The following TUSC3 variants were observed in gnomAD, a reference collection of about 807,000 sequenced individuals.
The protein encoded by TUSC3 is dolichyl-diphosphooligosaccharide--protein glycosyltransferase subunit TUSC3.
TUSC3 carries 45 observed loss-of-function variants against 44.8 expected under a neutral mutation model. The observed-to-expected ratio is 1.00, with a 90% confidence interval of 0.79 to 1.29. The LOEUF (loss-of-function observed/expected upper bound fraction) is 1.29. Ranked by LOEUF, TUSC3 falls within the 50% of genes most tolerant of loss-of-function variation. The pLI is 0.00. For synonymous variants in TUSC3, 212 were observed against 152.9 expected, an observed-to-expected ratio of 1.39 and a Z score of -2.85; for missense variants, 519 against 437.9, an observed-to-expected ratio of 1.19 and a Z score of -1.65.
At chr8:15,808,568 A>G in the TUSC3 span, among the ~76,000 whole-genome samples, 4,427 of 152,136 alleles carry the variant, frequency 0.029, 216 homozygotes, top group African/African-American at 0.1. Flanking sequence ...ATCTTTTCCT[A>G]CTCTCAGACC....
intron 1 of TUSC3, among the ~76,000 whole-genome samples, chr8:15,450,384 C>T (rs1004679151): frequency 2.0e-4 from 30 of 152,104 alleles, no homozygotes; most frequent in African/African-American, 7.2e-4. Context: ...ACTCAAGGTG[C>T]TATTTAAAAG....
intron 6 of TUSC3, among the ~76,000 whole-genome samples, chr8:15,689,863 T>TGTGTAAA (rs1554475557): frequency 6.8e-5 from 1 of 14,804 alleles, no homozygotes; most frequent in African/African-American, 1.1e-4. Flanking sequence ...TGTGTGTGTG[T>TGTGTAAA]ATAAATATAT....
chr8:15,420,990 A>G (rs1444827844), intron 1 of TUSC3, among the ~76,000 whole-genome samples: 1 of 152,144 alleles, frequency 6.6e-6, no homozygotes, highest in Non-Finnish European at 1.5e-5. Flanking sequence ...AAGTGACACT[A>G]ATTTTTTATC....
intron 2 of TUSC3, among the ~76,000 whole-genome samples, chr8:15,510,528 C>T (rs13257753): frequency 0.068 from 10,385 of 152,142 alleles, 512 homozygotes; most frequent in South Asian, 0.2. Context: ...ATTACGGGAG[C>T]TCACCCAGGA....
intron 2 of TUSC3, among the ~76,000 whole-genome samples, chr8:15,629,532 C>T (rs1444344155): frequency 6.7e-6 from 1 of 149,850 alleles, no homozygotes; most frequent in Non-Finnish European, 1.5e-5. Context: ...AGAAAGGGAC[C>T]CTGTCATTTG....
downstream of TUSC3, among the ~76,000 whole-genome samples, chr8:15,769,214 G>T (rs1812399931): frequency 6.6e-6 from 1 of 152,116 alleles, no homozygotes; most frequent in Non-Finnish European, 1.5e-5. Flanking sequence ...GCATGGTACT[G>T]GTATGAAAAC....
chr8:15,545,670 G>GGGCCC (rs1342062789), intron 1 of TUSC3, among the ~76,000 whole-genome samples: 1 of 151,658 alleles, frequency 6.6e-6, no homozygotes, highest in African/African-American at 2.4e-5. Flanking sequence ...AGCATGTTTA[G>GGGCCC]TCCCATATAT....
At chr8:15,699,461 A>G (rs1809305746) in intron 6 of TUSC3, among the ~76,000 whole-genome samples, 1 of 152,204 alleles carries the variant, frequency 6.6e-6, no homozygotes, top group African/African-American at 2.4e-5. Context: ...TCCACCTGTC[A>G]GTATTCAAAA....
the TUSC3 span, among the ~76,000 whole-genome samples, chr8:15,798,127 C>T: frequency 6.6e-6 from 1 of 152,220 alleles, no homozygotes; most frequent in Admixed American, 6.5e-5. Flanking sequence ...CAGTCAAAAA[C>T]ATTGCCTCTG....
intron 6 of TUSC3, among the ~76,000 whole-genome samples, chr8:15,707,200 G>A (rs1362204900): frequency 6.6e-6 from 1 of 151,992 alleles, no homozygotes; most frequent in Non-Finnish European, 1.5e-5. Context: ...AACTGGTAAT[G>A]TAAATGCATA....
chr8:15,563,071 C>CT (rs1414478359), intron 1 of TUSC3, among the ~76,000 whole-genome samples: 1 of 152,052 alleles, frequency 6.6e-6, no homozygotes, highest in Non-Finnish European at 1.5e-5. Flanking sequence ...CAAGCCTGCA[C>CT]TTTTAGATTT....
intron 1 of TUSC3, among the ~76,000 whole-genome samples, chr8:15,590,640 A>T (rs1189205447): frequency 6.6e-6 from 1 of 151,210 alleles, no homozygotes; most frequent in East Asian, 1.9e-4. Flanking sequence ...ATTTATTTTT[A>T]TTTATTTATT....
intron 10 of TUSC3, among the ~76,000 whole-genome samples, chr8:15,758,689 C>T (rs1427571548): frequency 6.6e-6 from 1 of 152,022 alleles, no homozygotes; most frequent in African/African-American, 2.4e-5. Flanking sequence ...TGTCCCTTAG[C>T]CCCTGCATTC....
chr8:15,739,671 T>C (rs1811102455), intron 7 of TUSC3, among the ~76,000 whole-genome samples: 1 of 152,208 alleles, frequency 6.6e-6, no homozygotes, highest in South Asian at 2.1e-4. Flanking sequence ...GGAATATGTT[T>C]ATGGAGTAGT....
chr8:15,450,790 T>A (rs1268248216), intron 1 of TUSC3, among the ~76,000 whole-genome samples: 1 of 152,190 alleles, frequency 6.6e-6, no homozygotes, highest in Non-Finnish European at 1.5e-5. Context: ...GAAACAGATG[T>A]TGGCTTACTG....
the TUSC3 span, among the ~76,000 whole-genome samples, chr8:15,790,852 G>T: frequency 6.6e-6 from 1 of 152,232 alleles, no homozygotes; most frequent in Admixed American, 6.5e-5. Context: ...AGAGGTGACT[G>T]GAAACAACTG....
At chr8:15,472,639 G>C (rs1800509629) in intron 1 of TUSC3, among the ~76,000 whole-genome samples, 1 of 152,264 alleles carries the variant, frequency 6.6e-6, no homozygotes, top group East Asian at 1.9e-4. Context: ...TCACTATGTT[G>C]AGGATGGTAT....
chr8:15,430,592 C>G (rs1193103811), intron 1 of TUSC3, among the ~76,000 whole-genome samples: 3 of 151,416 alleles, frequency 2.0e-5, no homozygotes, highest in Non-Finnish European at 4.4e-5. Flanking sequence ...CCTCTCTCAC[C>G]ACTCCTATTC....
At chr8:15,462,143 C>A (rs183901585) in intron 1 of TUSC3, among the ~76,000 whole-genome samples, 7 of 152,034 alleles carry the variant, frequency 4.6e-5, no homozygotes, top group African/African-American at 1.2e-4. Context: ...AGAACCTGGT[C>A]CAAGCTTCAT....
Sources: gnomAD v4.1 joint callset for allele counts (sites outside exome capture counted in the v4.1 genomes callset) on GRCh38, gnomAD v4.1.1 for gene constraint, MANE v1.5 for transcripts, NCBI Gene and HGNC (gene_info 2026-07-23, HGNC 2026-07-21) for gene names.